The following TTLL9 variants were observed in gnomAD, a reference collection of about 807,000 sequenced individuals.
TTLL9 encodes probable tubulin polyglutamylase TTLL9.
TTLL9 carries 47 observed loss-of-function variants against 65.6 expected under a neutral mutation model. The observed-to-expected ratio is 0.72, with a 90% CI of 0.57 to 0.91. The LOEUF (loss-of-function observed/expected upper bound fraction) is 0.91. Ranked by LOEUF, TTLL9 falls within the 40% of genes least tolerant of loss-of-function variation. The pLI is 0.00. For missense variants in TTLL9, 537 were observed against 568.8 expected (o/e 0.94, Z 0.57); for synonymous variants, 179 against 204.8 (o/e 0.87, Z 1.07).
chr20:31,934,720 G>A lies in TTLL9; in HGVS notation c.836G>A (p.Arg279Gln), dbSNP rs771947364. ...KGCKWTLQRF[R>Q]QYLASKHGPE... ...TGCAAGTGGACGCTGCAGCGCTTCC[G>A]GCAGTACCTGGCGTCCAAACACGGG... The change falls in exon 12 of 15, where the codon CGG (arginine) becomes CAG (glutamine). Residue 279 changes from arginine to glutamine, a missense_variant. Coordinates refer to ENST00000535842, the MANE Select transcript of TTLL9 (RefSeq NM_001008409.5). The A allele has an allele frequency of 2.5e-5, 41 of 1,611,970 alleles. No homozygotes were observed. Among genetic ancestry groups the A allele is most frequent in the Admixed American group, 1.0e-4 (6 of 60,000 alleles).
intron 2 of TTLL9, among the ~76,000 whole-genome samples, chr20:31,872,558 C>T (rs1310915749): frequency 1.3e-5 from 2 of 151,568 alleles, no homozygotes; most frequent in Admixed American, 1.3e-4. Context: ...CCAAGCTACT[C>T]AGGAAGCTGA....
At chr20:31,890,842 A>G (rs1479405693) in intron 3 of TTLL9, among the ~76,000 whole-genome samples, 8 of 152,212 alleles carry the variant, frequency 5.3e-5, no homozygotes, top group Non-Finnish European at 8.8e-5. Context: ...TCTGCTCCAC[A>G]TGCTGGCTGA....
chr20:31,893,044 C>A (rs187104809), intron 3 of TTLL9, among the ~76,000 whole-genome samples: 1 of 152,136 alleles, frequency 6.6e-6, no homozygotes, highest in Non-Finnish European at 1.5e-5. Context: ...GAATTTCCAT[C>A]TGGTATAATT....
chr20:31,942,112 GTGTC>G (rs1418930247), intron 14 of TTLL9, among the ~76,000 whole-genome samples: 2 of 152,204 alleles, frequency 1.3e-5, no homozygotes, highest in Non-Finnish European at 2.9e-5. Flanking sequence ...GGCTGAGTGA[GTGTC>G]TGGGAAGCAG....
chr20:31,879,749 C>T (rs2063083113), intron 2 of TTLL9: 2 of 1,464,026 alleles, frequency 1.4e-6, no homozygotes, highest in African/African-American at 1.4e-5. Flanking sequence ...CTGCGCACTC[C>T]GCCGAGAGCA....
At chr20:31,921,835 A>AG (rs941459648) in intron 7 of TTLL9, among the ~76,000 whole-genome samples, 13 of 151,600 alleles carry the variant, frequency 8.6e-5, no homozygotes, top group Admixed American at 2.0e-4. Flanking sequence ...GGGTGGAAGG[A>AG]GGGGGGAGGG....
intron 9 of TTLL9, 96 bp from the exon 10 acceptor site, chr20:31,925,953 T>C: frequency 1.3e-6 from 2 of 1,572,852 alleles, no homozygotes; most frequent in Non-Finnish European, 1.7e-6. Context: ...ACAGCATTGA[T>C]GACCAGTGTA....
intron 14 of TTLL9, chr20:31,940,851 T>C (rs117076828): frequency 0.041 from 6,255 of 152,232 alleles, 175 homozygotes; most frequent in Middle Eastern, 0.095. Flanking sequence ...CGGCCCGGAC[T>C]CAGAAGTCCC....
intron 13 of TTLL9, chr20:31,938,381 G>T (rs1045359169): frequency 3.1e-5 from 11 of 360,358 alleles, no homozygotes; most frequent in African/African-American, 2.3e-4. Flanking sequence ...TGGACTGAAA[G>T]AAGGTGAAAT....
At chr20:31,934,932 C>G in intron 12 of TTLL9, 44 bp downstream of exon 12, 1 of 1,565,510 alleles carries the variant, frequency 6.4e-7, no homozygotes, top group Non-Finnish European at 8.7e-7. Flanking sequence ...AGTTTGCATA[C>G]TCGGCACCCA....
chr20:31,873,817 GAAGGAAGA>G (rs576910504), intron 2 of TTLL9, among the ~76,000 whole-genome samples: 3,336 of 81,250 alleles, frequency 0.041, 31 homozygotes, highest in Middle Eastern at 0.066. Flanking sequence ...AGGAAGGAAG[GAAGGAAGA>G]AAGAAAGAAA....
intron 3 of TTLL9, among the ~76,000 whole-genome samples, chr20:31,892,875 C>A (rs183081168): frequency 1.3e-5 from 2 of 152,274 alleles, no homozygotes; most frequent in South Asian, 2.1e-4. Flanking sequence ...CCCCTCTGAT[C>A]GTTTGTGCTG....
chr20:31,921,673 G>A (rs2063817857), intron 7 of TTLL9, among the ~76,000 whole-genome samples: 2 of 152,178 alleles, frequency 1.3e-5, no homozygotes, highest in Non-Finnish European at 2.9e-5. Flanking sequence ...GTCTTTTGTA[G>A]GGACATGGAT....
intron 6 of TTLL9, among the ~76,000 whole-genome samples, chr20:31,916,338 G>C (rs1173101229): frequency 6.6e-6 from 1 of 152,184 alleles, no homozygotes; most frequent in Non-Finnish European, 1.5e-5. Flanking sequence ...CAGGGTTCTG[G>C]AGAACATATG....
At chr20:31,884,237 A>T (rs1043445230) in intron 2 of TTLL9, 12 of 331,972 alleles carry the variant, frequency 3.6e-5, no homozygotes, top group Non-Finnish European at 6.0e-5. Context: ...TTATTTATTT[A>T]TTTTTTGAGA....
chr20:31,885,950 A>T (rs992654513), intron 2 of TTLL9, among the ~76,000 whole-genome samples: 2 of 152,240 alleles, frequency 1.3e-5, no homozygotes, highest in African/African-American at 4.8e-5. Flanking sequence ...CACTGCAGGG[A>T]GCTGCAGGCA....
At chr20:31,925,990 G>A (rs761974418) in intron 9 of TTLL9, 59 bp from the exon 10 acceptor site, 99 of 1,607,216 alleles carry the variant, frequency 6.2e-5, no homozygotes, top group Admixed American at 2.9e-4. Context: ...AACCACCCCC[G>A]ACACACCTAC....
Position 31,934,773 on chromosome 20 carries a change from G to A in TTLL9, c.889G>A (p.Asp297Asn). The change falls in exon 12 of 15, where the codon GAC becomes AAC. Residue 297 changes from aspartate (D) to asparagine (N), a missense_variant. Physicochemically the swap from Asp to Asn is conservative, Grantham distance 23. Coordinates refer to ENST00000535842, the MANE Select transcript of TTLL9 (RefSeq NM_001008409.5). ...GPEAVETLFR[D>N]IDNIFVKSLQ... ...CGAGGCAGTGGAGACACTCTTCAGG[G>A]ACATCGACAACATCTTTGTCAAAAG... 6.2e-7 allele frequency: 1 copy of A among 1,613,610 alleles called. No individual in the cohort carries two copies.
At chr20:31,910,035 C>A (rs912719615) in intron 6 of TTLL9, 113 bp downstream of exon 6, 5 of 1,063,282 alleles carry the variant, frequency 4.7e-6, no homozygotes, top group Non-Finnish European at 6.8e-6. Context: ...TCTGCCTTCC[C>A]GAAGGGCCAG....
Sources: allele counts gnomAD v4.1 joint callset (sites outside exome capture counted in the v4.1 genomes callset), GRCh38; gene constraint gnomAD v4.1.1; transcripts MANE v1.5; gene names NCBI Gene and HGNC (gene_info 2026-07-23, HGNC 2026-07-21).